Variants in CSMD1 observed in about 807,000 individuals in gnomAD.
CSMD1 encodes CUB and Sushi multiple domains 1.
In CSMD1, 213 loss-of-function variants were observed where a neutral mutation model predicts 417.5. The ratio of observed to expected loss-of-function variants is 0.51; its 90% CI spans 0.46 to 0.57. CSMD1 has a LOEUF of 0.57. CSMD1 is among the 20% of genes least tolerant of loss of function. CSMD1 has a pLI of 0.00. For missense variants in CSMD1, 6,923 were observed against 4,529.7 expected (o/e 1.53, Z -15.17); for synonymous variants, 2,862 against 1,736.8 (o/e 1.65, Z -16.11).
At chr8:3,356,286 G>A (rs1042316580) in intron 21 of CSMD1, among the ~76,000 whole-genome samples, 1 of 152,218 alleles carries the variant, frequency 6.6e-6, no homozygotes, top group African/African-American at 2.4e-5. Flanking sequence ...AGAACCTTGT[G>A]AGGAAAGCAA....
intron 3 of CSMD1, among the ~76,000 whole-genome samples, chr8:4,205,821 C>T (rs1585020650): frequency 6.6e-6 from 1 of 151,992 alleles, no homozygotes; most frequent in Admixed American, 6.6e-5. Flanking sequence ...ATGGAAAATT[C>T]TCCCCCATTA....
intron 3 of CSMD1, among the ~76,000 whole-genome samples, chr8:4,418,467 T>C (rs1172701908): frequency 6.6e-6 from 1 of 152,158 alleles, no homozygotes; most frequent in Non-Finnish European, 1.5e-5. Context: ...ACAACATTAA[T>C]TTTGGGAATC....
At chr8:3,927,713 C>A (rs529726878) in intron 5 of CSMD1, among the ~76,000 whole-genome samples, 1 of 152,150 alleles carries the variant, frequency 6.6e-6, no homozygotes, top group South Asian at 2.1e-4. Flanking sequence ...ATTTTCTTTA[C>A]CTTTGTTAAG....
At chr8:3,597,201 C>G (rs1038621066) in intron 8 of CSMD1, among the ~76,000 whole-genome samples, 1 of 152,134 alleles carries the variant, frequency 6.6e-6, no homozygotes, top group African/African-American at 2.4e-5. Context: ...GACACAGGAA[C>G]TGAGAGGACT....
chr8:4,329,647 C>T (rs1396148434), intron 3 of CSMD1, among the ~76,000 whole-genome samples: 1 of 151,982 alleles, frequency 6.6e-6, no homozygotes, highest in Non-Finnish European at 1.5e-5. Context: ...TCAGTGATAT[C>T]GTTTGGATCT....
intron 38 of CSMD1, 120 bp from the exon 39 acceptor site, chr8:3,158,086 C>A: frequency 1.2e-6 from 1 of 827,176 alleles, no homozygotes; most frequent in South Asian, 1.8e-5. Context: ...TTTGAAAATT[C>A]AAAAATTGTG....
intron 10 of CSMD1, among the ~76,000 whole-genome samples, chr8:3,517,586 C>A (rs1006096369): frequency 6.6e-6 from 1 of 152,150 alleles, no homozygotes. Flanking sequence ...CTCTGCAATA[C>A]CAAATACAGG....
At chr8:4,746,232 T>G (rs1399108836) in intron 1 of CSMD1, among the ~76,000 whole-genome samples, 1 of 152,068 alleles carries the variant, frequency 6.6e-6, no homozygotes, top group Non-Finnish European at 1.5e-5. Flanking sequence ...CGAAAACGTA[T>G]GGCCAACAAA....
In CSMD1 at chr8:3,449,235, G is replaced by C. The variant is rs970732036; in HGVS notation, c.1561+19477C>G. Among the ~76,000 whole-genome samples the C allele has an allele frequency of 3.4e-4, 51 of 152,140 alleles. 1 individual carries two copies. The highest frequency in any genetic ancestry group is 2.1e-4 in the South Asian group (1 of 4,826). On this transcript the variant is annotated intron_variant, in intron 12 of 69. Coordinates refer to ENST00000635120, the MANE Select transcript of CSMD1 (RefSeq NM_033225.6). ...AGCATAAACCTGAAGAATTGTAGAG[G>C]GAAGTTAAAATTAAACAGGCTTATT...
intron 3 of CSMD1, among the ~76,000 whole-genome samples, chr8:4,218,130 G>T (rs74863122): frequency 0.011 from 1,748 of 152,234 alleles, 36 homozygotes; most frequent in African/African-American, 0.04. Flanking sequence ...GAACAGCAGG[G>T]TATAAGTAAC....
At chr8:4,785,968 G>A (rs80115241) in intron 1 of CSMD1, among the ~76,000 whole-genome samples, 1,596 of 152,306 alleles carry the variant, frequency 0.01, 13 homozygotes, top group East Asian at 0.056. Context: ...TTATAGGAAA[G>A]ACATCCTGCA....
intron 25 of CSMD1, among the ~76,000 whole-genome samples, chr8:3,286,503 G>C (rs892409148): frequency 2.6e-5 from 4 of 151,840 alleles, no homozygotes; most frequent in African/African-American, 9.7e-5. Context: ...TTCCTGACTT[G>C]TTAATGATCG....
At chr8:3,968,381 G>A (rs79130121) in intron 5 of CSMD1, among the ~76,000 whole-genome samples, 4,067 of 152,208 alleles carry the variant, frequency 0.027, 62 homozygotes, top group Non-Finnish European at 0.03. Flanking sequence ...CCAGCTCAGT[G>A]TGGTCACTGA....
intron 2 of CSMD1, among the ~76,000 whole-genome samples, chr8:4,423,988 G>A (rs184671053): frequency 3.3e-5 from 5 of 152,004 alleles, no homozygotes; most frequent in Admixed American, 3.3e-4. Context: ...AATTATGATG[G>A]ATCAATTGGA....
At chr8:4,950,962 T>TA (rs372854180) in intron 1 of CSMD1, among the ~76,000 whole-genome samples, 270 of 141,706 alleles carry the variant, frequency 1.9e-3, no homozygotes, top group South Asian at 7.1e-3. Context: ...AGACTTGTGG[T>TA]AAAAAAAACA....
intron 1 of CSMD1, among the ~76,000 whole-genome samples, chr8:4,664,831 T>A (rs1359649198): frequency 6.6e-6 from 1 of 152,180 alleles, no homozygotes; most frequent in Non-Finnish European, 1.5e-5. Flanking sequence ...TTTGTATGCA[T>A]TTCAAATGGA....
chr8:3,218,621 C>T lies in CSMD1; in HGVS notation c.4672+634G>A, dbSNP rs1323243049. ...GCACGGTGACTCACGTCTATAATCA[C>T]AGCACTTTGGGAGGCCGAGGCAGGT... On this transcript the variant is annotated intron_variant, in intron 29 of 69. Transcript: ENST00000635120. Among the ~76,000 whole-genome samples, 4 of 151,302 alleles carry T rather than the reference C, an allele frequency of 2.6e-5. 1 individual carries two copies. In the South Asian group the frequency reaches 8.4e-4, roughly 32 times the overall value.
At chr8:3,137,289 T>A (rs1376406086) in intron 41 of CSMD1, among the ~76,000 whole-genome samples, 1 of 152,238 alleles carries the variant, frequency 6.6e-6, no homozygotes, top group African/African-American at 2.4e-5. Flanking sequence ...TTTAATTTAA[T>A]GAGGAAGCCG....
At position 3,444,643 on chromosome 8, in the gene CSMD1, C is replaced by T. The variant is rs113250452; in HGVS notation, c.1561+24069G>A. 6.0e-3 allele frequency among the ~76,000 whole-genome samples: 914 copies of T among 152,106 alleles called. 12 individuals are homozygous for T. The highest frequency in any genetic ancestry group is 0.02 in the African/African-American group (835 of 41,490). ...TCACAGGACCGTCCCTGCCTTAACA[C>T]CCAAACAAAAGTATGCAGTGGAAAT... is the stretch of plus-strand genomic sequence containing the variant. On this transcript the variant is annotated intron_variant, in intron 12 of 69. Coordinates refer to ENST00000635120, the MANE Select transcript of CSMD1 (RefSeq NM_033225.6).
Sources: gnomAD v4.1 joint callset for allele counts (sites outside exome capture counted in the v4.1 genomes callset) on GRCh38, gnomAD v4.1.1 for gene constraint, MANE v1.5 for transcripts, NCBI Gene and HGNC (gene_info 2026-07-23, HGNC 2026-07-21) for gene names.